The following CADM1 variants were observed in gnomAD, a reference collection of about 807,000 sequenced individuals.
CADM1 encodes TSLC-1.
CADM1 carries 15 observed loss-of-function variants against 53.1 expected under a neutral mutation model. That is an observed-to-expected ratio of 0.28 (90% CI 0.19 to 0.44). The LOEUF (loss-of-function observed/expected upper bound fraction) is 0.44. Ranked by LOEUF, CADM1 falls within the 20% of genes least tolerant of loss-of-function variation. CADM1 has a pLI of 1.00. For synonymous variants in CADM1, 281 were observed against 243.0 expected (o/e 1.16, Z -1.45); for missense variants, 434 against 611.3 (o/e 0.71, Z 3.06).
chr11:115,417,859 G>T (rs1276929177), intron 1 of CADM1, among the ~76,000 whole-genome samples: 1 of 152,194 alleles, frequency 6.6e-6, no homozygotes, highest in Non-Finnish European at 1.5e-5. Context: ...TGCAGATCAT[G>T]CCTGATAGAT....
chr11:115,323,946 T>C (rs148654173), intron 1 of CADM1, among the ~76,000 whole-genome samples: 296 of 150,538 alleles, frequency 2.0e-3, no homozygotes, highest in Middle Eastern at 7.1e-3. Flanking sequence ...TGGTCTAGGA[T>C]ATGTTAAGTT....
At chr11:115,409,618 G>T (rs1050361949) in intron 1 of CADM1, among the ~76,000 whole-genome samples, 3 of 151,918 alleles carry the variant, frequency 2.0e-5, no homozygotes, top group African/African-American at 7.3e-5. Context: ...TTCAGGAAAG[G>T]TGCTGAAATC....
chr11:115,402,056 G>A (rs1947171675), intron 1 of CADM1, among the ~76,000 whole-genome samples: 1 of 151,686 alleles, frequency 6.6e-6, no homozygotes, highest in South Asian at 2.1e-4. Flanking sequence ...TAGAGAAAAG[G>A]CAGATCCAGA....
intron 5 of CADM1, among the ~76,000 whole-genome samples, chr11:115,218,631 T>C (rs1941284234): frequency 6.6e-6 from 1 of 152,184 alleles, no homozygotes; most frequent in Admixed American, 6.5e-5. Flanking sequence ...ATGGGAACTC[T>C]GGTACCCACA....
chr11:115,251,684 A>AT (rs1289903531), intron 1 of CADM1, among the ~76,000 whole-genome samples: 1 of 152,232 alleles, frequency 6.6e-6, no homozygotes, highest in Admixed American at 6.5e-5. Flanking sequence ...TAAGGCCCTT[A>AT]TTGCTGAGTT....
At chr11:115,329,711 C>T (rs1945081747) in intron 1 of CADM1, among the ~76,000 whole-genome samples, 1 of 152,060 alleles carries the variant, frequency 6.6e-6, no homozygotes, top group Admixed American at 6.6e-5. Context: ...GGGATTTTGT[C>T]CAGTGTCCAA....
chr11:115,458,676 C>T (rs960062853), intron 1 of CADM1, among the ~76,000 whole-genome samples: 8 of 151,902 alleles, frequency 5.3e-5, no homozygotes, highest in Non-Finnish European at 1.0e-4. Context: ...TCTAGGGGTT[C>T]AGTAACCACA....
intron 1 of CADM1, among the ~76,000 whole-genome samples, chr11:115,334,763 T>C (rs1460174302): frequency 6.6e-6 from 1 of 152,068 alleles, no homozygotes; most frequent in Non-Finnish European, 1.5e-5. Context: ...GAACAGTAAA[T>C]ACACATTCGA....
intron 10 of CADM1, among the ~76,000 whole-genome samples, chr11:115,186,849 A>G (rs1285894787): frequency 6.6e-6 from 1 of 152,112 alleles, no homozygotes; most frequent in Non-Finnish European, 1.5e-5. Flanking sequence ...ACTGTCCAAG[A>G]TTAACTCGTG....
intron 7 of CADM1, among the ~76,000 whole-genome samples, chr11:115,211,658 T>TA (rs1434652546): frequency 1.3e-5 from 2 of 150,464 alleles, no homozygotes; most frequent in East Asian, 3.9e-4. Context: ...TTTTGTATTT[T>TA]TTTTTTTTTT....
intron 1 of CADM1, among the ~76,000 whole-genome samples, chr11:115,456,434 T>C (rs1341143053): frequency 6.6e-6 from 1 of 152,156 alleles, no homozygotes; most frequent in African/African-American, 2.4e-5. Context: ...AAGTGACATA[T>C]ATACAGAGGC....
intron 1 of CADM1, among the ~76,000 whole-genome samples, chr11:115,408,708 A>C (rs894980259): frequency 9.9e-5 from 15 of 152,252 alleles, no homozygotes; most frequent in Admixed American, 8.5e-4. Flanking sequence ...TCCATTTCTT[A>C]TGTGAAAGGG....
intron 1 of CADM1, among the ~76,000 whole-genome samples, chr11:115,496,858 T>C (rs1056055701): frequency 3.3e-5 from 5 of 152,314 alleles, no homozygotes; most frequent in Admixed American, 6.5e-5. Flanking sequence ...AATGGTGTCA[T>C]TGGTAATAAT....
At chr11:115,446,907 C>A (rs1001226466) in intron 1 of CADM1, among the ~76,000 whole-genome samples, 1 of 152,152 alleles carries the variant, frequency 6.6e-6, no homozygotes, top group East Asian at 1.9e-4. Context: ...CAATTTGAGA[C>A]CCCTGGGAGC....
rs73572962 is a variant in CADM1, at chr11:115,363,071, C to T, written c.125-122651G>A. ...AAAAAAAATCACAGATTCACCCAAT[C>T]CAGATCAATCTTCCATTAAGAATCA... On this transcript the variant is annotated intron_variant, in intron 1 of 11. Transcript: ENST00000331581. Among the ~76,000 whole-genome samples, 1,204 of 152,284 alleles carry T rather than the reference C, an allele frequency of 7.9e-3. 16 individuals are homozygous for T. The highest frequency in any genetic ancestry group is 0.026 in the African/African-American group (1,076 of 41,546).
chr11:115,418,634 ATG>A (rs988968093), intron 1 of CADM1, among the ~76,000 whole-genome samples: 74 of 152,180 alleles, frequency 4.9e-4, no homozygotes, highest in African/African-American at 1.7e-3. Context: ...ATACATATTA[ATG>A]TCAAAGAGCC....
chr11:115,482,847 A>T (rs187341132), intron 1 of CADM1, among the ~76,000 whole-genome samples: 68 of 152,346 alleles, frequency 4.5e-4, no homozygotes, highest in African/African-American at 1.6e-3. Context: ...ACTACACATG[A>T]AAATTTTGTT....
chr11:115,357,150 C>A (rs1165479989), intron 1 of CADM1, among the ~76,000 whole-genome samples: 1 of 152,150 alleles, frequency 6.6e-6, no homozygotes, highest in Non-Finnish European at 1.5e-5. Flanking sequence ...GTCCCTCGGG[C>A]CTTTCAGGAA....
rs560744658 is a variant in CADM1 at position 115,300,692 on chromosome 11, T to C, written c.125-60272A>G. Among the ~76,000 whole-genome samples, 7 of 152,230 alleles carry C rather than the reference T, an allele frequency of 4.6e-5. No individual in the cohort carries two copies. The South Asian group carries it at 1.5e-3, about 32-fold the overall frequency. ...AGCCTATGTCTAGCATCATTATAAT[T>C]AAGAAGCAAAACTATGAAATGGAAA... On this transcript the variant is annotated intron_variant, in intron 1 of 11. Coordinates refer to ENST00000331581, the MANE Select transcript of CADM1 (RefSeq NM_001301043.2).
Sources: gnomAD v4.1 joint callset for allele counts (sites outside exome capture counted in the v4.1 genomes callset) on GRCh38, gnomAD v4.1.1 for gene constraint, MANE v1.5 for transcripts, NCBI Gene and HGNC (gene_info 2026-07-23, HGNC 2026-07-21) for gene names.